PNPLA8: variants seen among roughly 807,000 people sequenced by gnomAD.
PNPLA8 encodes calcium-independent phospholipase A2-gamma.
A neutral mutation model predicts 76.9 loss-of-function variants in PNPLA8; 39 were observed. The observed-to-expected ratio is 0.51, with a 90% CI of 0.39 to 0.66. PNPLA8 has a LOEUF of 0.66. PNPLA8 is among the 30% of genes least tolerant of loss of function. The probability of loss-of-function intolerance (pLI) is 0.00; values close to 1 mark genes in which losing one functional copy is unlikely to be tolerated. For synonymous variants in PNPLA8, 301 were observed against 307.9 expected (o/e 0.98, Z 0.24); for missense variants, 887 against 918.0 (o/e 0.97, Z 0.44).
chr7:108,517,486 A>C (rs1863424208), intron 2 of PNPLA8, among the ~76,000 whole-genome samples: 1 of 152,242 alleles, frequency 6.6e-6, no homozygotes, highest in Non-Finnish European at 1.5e-5. Context: ...TAATTGCCAA[A>C]ATTTCAAAAC....
At chr7:108,521,953 C>G (rs899843802) in intron 1 of PNPLA8, among the ~76,000 whole-genome samples, 2 of 152,144 alleles carry the variant, frequency 1.3e-5, no homozygotes, top group African/African-American at 4.8e-5. Flanking sequence ...GGATGTGCCT[C>G]ATTATACCCC....
chr7:108,506,009 T>C lies in PNPLA8; in HGVS notation c.1207-3367A>G, dbSNP rs116590043. Among the ~76,000 whole-genome samples the C allele has an allele frequency of 3.5e-3, 526 of 152,282 alleles. 4 individuals are homozygous for C. In the East Asian group the frequency reaches 0.056, roughly 16 times the overall value. On this transcript the variant is annotated intron_variant, in intron 4 of 10. Coordinates refer to ENST00000257694, the MANE Select transcript of PNPLA8 (RefSeq NM_001256007.3). ...ACCCTGGAAAAGATGCTGAATATCA[T>C]AGCTATCAATGAAATAAAAAATTAA...
chr7:108,502,716 T>A, intron 4 of PNPLA8, 74 bp from the exon 5 acceptor site: 1 of 1,042,906 alleles, frequency 9.6e-7, no homozygotes, highest in Non-Finnish European at 1.4e-6. Context: ...TATTAACCAA[T>A]ACATGCAGTT....
At chr7:108,526,739 CAA>C (rs1864111367), upstream of PNPLA8, among the ~76,000 whole-genome samples, 2 of 152,340 alleles carry the variant, frequency 1.3e-5, no homozygotes, top group African/African-American at 4.8e-5. Flanking sequence ...AACCGCCCCA[CAA>C]ATGGTCCCAC....
chr7:108,492,632 T>C (rs1861264343), intron 7 of PNPLA8, among the ~76,000 whole-genome samples: 1 of 152,016 alleles, frequency 6.6e-6, no homozygotes, highest in Non-Finnish European at 1.5e-5. Flanking sequence ...AAAATCAACA[T>C]GCCTAGATTC....
chr7:108,497,645 A>G, intron 5 of PNPLA8, 68 bp from the exon 6 acceptor site: 1 of 769,380 alleles, frequency 1.3e-6, no homozygotes, highest in Admixed American at 3.3e-5. Context: ...GCTGTTGAAT[A>G]AAACAATCTA....
intron 2 of PNPLA8, 91 bp from the exon 3 acceptor site, chr7:108,515,665 A>G: frequency 1.6e-6 from 1 of 627,134 alleles, no homozygotes; most frequent in Non-Finnish European, 2.3e-6. Flanking sequence ...TAAACTCAGC[A>G]AGCTGTCTCA....
At chr7:108,527,321 G>A (rs1268281198), upstream of PNPLA8, among the ~76,000 whole-genome samples, 4 of 152,024 alleles carry the variant, frequency 2.6e-5, no homozygotes, top group African/African-American at 9.7e-5. Flanking sequence ...TATGTTCTTG[G>A]GACACAGTGT....
chr7:108,518,636 A>G (rs1179589408), intron 2 of PNPLA8, among the ~76,000 whole-genome samples: 2 of 150,872 alleles, frequency 1.3e-5, no homozygotes, highest in East Asian at 2.0e-4. Context: ...CTTCCTCTCA[A>G]TTTTCCTGTG....
At chr7:108,510,662 C>G in intron 4 of PNPLA8, 1 of 1,594,462 alleles carries the variant, frequency 6.3e-7, no homozygotes, top group Non-Finnish European at 8.5e-7. Flanking sequence ...ATGGGGGTAC[C>G]CCAATCTGAA....
At chr7:108,497,418 A>C (rs996044493) in intron 6 of PNPLA8, 65 bp downstream of exon 6, 1 of 1,090,302 alleles carries the variant, frequency 9.2e-7, no homozygotes, top group Non-Finnish European at 1.4e-6. Context: ...CTTAAACATA[A>C]GTGCTTAATG....
rs1165798327 is a variant in PNPLA8 at position 108,514,155 on chromosome 7, C to G, written c.1195G>C (p.Val399Leu). The G allele has an allele frequency of 1.2e-6, 2 of 1,601,842 alleles. No homozygotes were observed. Among genetic ancestry groups the G allele is most frequent in the Non-Finnish European group, 8.5e-7 (1 of 1,171,946 alleles). Residue 399 changes from valine to leucine, a missense_variant, in exon 4 of 11, where the codon GTG becomes CTG. Coordinates refer to ENST00000257694, the MANE Select transcript of PNPLA8 (RefSeq NM_001256007.3). The part of the protein sequence containing the change: ...HLLEFPEGKG[V>L]AVKERIIPYL... ...AAATTAGAAATTACCTTGACAGCCA[C>G]TCCTTTTCCTTCAGGAAATTCTAGA...
At chr7:108,482,427 G>C (rs1033609405) in intron 9 of PNPLA8, among the ~76,000 whole-genome samples, 2 of 152,176 alleles carry the variant, frequency 1.3e-5, no homozygotes, top group African/African-American at 2.4e-5. Flanking sequence ...AGCTGAGATT[G>C]TGCCACTGCA....
chr7:108,518,197 T>A (rs1458552738), intron 2 of PNPLA8: 1 of 152,242 alleles, frequency 6.6e-6, no homozygotes, highest in African/African-American at 2.4e-5. Context: ...TACCTCTTAA[T>A]ACCATCACTT....
intron 9 of PNPLA8, among the ~76,000 whole-genome samples, chr7:108,486,154 A>G (rs3752639): frequency 0.1 from 15,397 of 152,030 alleles, 814 homozygotes; most frequent in Non-Finnish European, 0.11. Context: ...TTTCTTTTGG[A>G]TAAAGAATAA....
chr7:108,471,720 C>A lies in PNPLA8; in HGVS notation c.*681G>T, dbSNP rs190012851. On this transcript the variant is annotated 3_prime_UTR_variant, in exon 11 of 11. Transcript: ENST00000257694. ...AGGGAAGAATAAGCTAGTGTTAGAT[C>A]TGGAAAAGTTAATATAGCATTATCT... The A allele has an allele frequency of 2.7e-4, 41 of 152,230 alleles. No homozygotes were observed. The highest frequency in any genetic ancestry group is 9.9e-4 in the African/African-American group (41 of 41,528). The allele number at this position is 152,230 out of a possible 1,614,324, so 9.4% of individuals were successfully genotyped here.
intron 9 of PNPLA8, among the ~76,000 whole-genome samples, chr7:108,481,096 T>G (rs1462620621): frequency 2.6e-5 from 4 of 152,212 alleles, no homozygotes; most frequent in African/African-American, 9.7e-5. Flanking sequence ...ACCACACAGT[T>G]CATGCATTCA....
intron 1 of PNPLA8, among the ~76,000 whole-genome samples, chr7:108,523,517 A>G (rs1388320031): frequency 6.6e-6 from 1 of 151,624 alleles, no homozygotes; most frequent in Non-Finnish European, 1.5e-5. Context: ...ACTTTTGCTG[A>G]TATCAAAGCA....
rs1245063067 is a variant in PNPLA8 at position 108,514,527 on chromosome 7, TCTGA to T, written c.961_964del (p.Ser321LysfsTer36). 5.0e-6 allele frequency: 8 copies of T among 1,613,850 alleles called. No individual in the cohort carries two copies. The highest frequency in any genetic ancestry group is 1.3e-5 in the African/African-American group (1 of 74,922). On this transcript the variant is annotated frameshift_variant, in exon 3 of 11. Transcript: ENST00000257694. LOFTEE classifies it high-confidence loss of function. ...AGTTTTAGCAGGCTCTTCCTGTTCTTCTGACTGACTCTTTGAATCATACTTTAAT... is the reference window on the plus strand; with the variant it reads ...AGTTTTAGCAGGCTCTTCCTGTTCTTCTGACTCTTTGAATCATACTTTAAT...
Sources: gnomAD v4.1 joint callset for allele counts (sites outside exome capture counted in the v4.1 genomes callset) on GRCh38, gnomAD v4.1.1 for gene constraint, MANE v1.5 for transcripts, NCBI Gene and HGNC (gene_info 2026-07-23, HGNC 2026-07-21) for gene names.